The following POT1 variants were observed in gnomAD, a reference collection of about 807,000 sequenced individuals.
POT1 encodes the protein protection of telomeres protein 1.
A neutral mutation model predicts 78.5 loss-of-function variants in POT1; 47 were observed. The ratio of observed to expected loss-of-function variants is 0.60; its 90% CI spans 0.47 to 0.76. The LOEUF (loss-of-function observed/expected upper bound fraction) is 0.76. Among genes scored for constraint, POT1 ranks in the 30% least tolerant of loss-of-function variants. The pLI, the probability that POT1 is intolerant of heterozygous loss-of-function variation, is 0.00. For synonymous variants in POT1, 259 were observed against 260.7 expected, an observed-to-expected ratio of 0.99 and a Z score of 0.06; for missense variants, 646 against 749.9, an observed-to-expected ratio of 0.86 and a Z score of 1.62.
chr7:124,846,869 AGCTG>A, intron 12 of POT1, 69 bp downstream of exon 12: 1 of 1,024,048 alleles, frequency 9.8e-7, no homozygotes, highest in Non-Finnish European at 1.5e-6. Context: ...GAAATGGATT[AGCTG>A]GTAAGTGTAG....
At chr7:124,904,564 C>T (rs1796711443) in intron 3 of POT1, among the ~76,000 whole-genome samples, 1 of 152,178 alleles carries the variant, frequency 6.6e-6, no homozygotes, top group Non-Finnish European at 1.5e-5. Context: ...AAACTGGAAG[C>T]ATTCCCTTTG....
chr7:124,885,666 TG>T (rs943593719), intron 6 of POT1, among the ~76,000 whole-genome samples: 5 of 152,156 alleles, frequency 3.3e-5, no homozygotes, highest in African/African-American at 1.2e-4. Context: ...CTCAGGAGGC[TG>T]AGGCAGGAGA....
chr7:124,870,726 C>T (rs1795847471), intron 7 of POT1, among the ~76,000 whole-genome samples, 185 bp downstream of exon 7: 1 of 151,998 alleles, frequency 6.6e-6, no homozygotes, highest in South Asian at 2.1e-4. Flanking sequence ...GTGGTTTGTT[C>T]AAATGAAGAT....
chr7:124,846,135 G>C (rs1156736370), intron 12 of POT1, among the ~76,000 whole-genome samples: 4 of 145,252 alleles, frequency 2.8e-5, no homozygotes. Flanking sequence ...GAGAGAGATA[G>C]GGTACATATG....
At chr7:124,890,508 T>C (rs1357291325) in intron 6 of POT1, among the ~76,000 whole-genome samples, 1 of 151,892 alleles carries the variant, frequency 6.6e-6, no homozygotes, top group Non-Finnish European at 1.5e-5. Context: ...AAACAGCATC[T>C]CATGTTACAA....
chr7:124,842,758 T>C, intron 13 of POT1, 49 bp downstream of exon 13: 2 of 1,492,080 alleles, frequency 1.3e-6, no homozygotes, highest in South Asian at 1.2e-5. Flanking sequence ...TGTGTACATA[T>C]ACACACAAAT....
At chr7:124,903,060 C>T (rs2116660765) in intron 3 of POT1, among the ~76,000 whole-genome samples, 1 of 152,124 alleles carries the variant, frequency 6.6e-6, no homozygotes, top group Admixed American at 6.6e-5. Flanking sequence ...ACTTAGACTC[C>T]CACACAATAA....
chr7:124,892,448 A>G, intron 5 of POT1, 68 bp from the exon 6 acceptor site: 2 of 780,312 alleles, frequency 2.6e-6, no homozygotes, highest in Middle Eastern at 5.7e-4. Context: ...TGTTATAATC[A>G]TATTAGCAGC....
intron 2 of POT1, 120 bp from the exon 3 acceptor site, chr7:124,915,766 C>T (rs1432711399): frequency 6.6e-6 from 1 of 152,054 alleles, no homozygotes; most frequent in Admixed American, 6.5e-5. Flanking sequence ...AGTCAGAGTA[C>T]TGTGTTCAAG....
chr7:124,919,213 C>G (rs890643695), intron 2 of POT1, among the ~76,000 whole-genome samples: 8 of 151,948 alleles, frequency 5.3e-5, no homozygotes, highest in Non-Finnish European at 1.2e-4. Flanking sequence ...CATATAAAAA[C>G]CTAGAAAAGG....
At position 124,823,909 on chromosome 7, in the gene POT1, A is replaced by AC; in HGVS notation, c.*52_*53insG. 1 of 1,185,960 alleles carries AC rather than the reference A, an allele frequency of 8.4e-7. No homozygotes were observed. The highest frequency in any genetic ancestry group is 1.2e-6 in the Non-Finnish European group (1 of 803,312). The allele number at this position is 1,185,960 out of a possible 1,614,324, so 73.5% of individuals were successfully genotyped here. A position where few individuals can be genotyped will look rare whatever the true frequency, so the allele number is the denominator to read the frequency against. ...AAACTCAGGTCAGGAAAAGAAGCTC[A>AC]AACAGGGAAGGTGAGTGGCAACATT... On this transcript the variant is annotated 3_prime_UTR_variant, in exon 19 of 19. Coordinates refer to ENST00000357628, the MANE Select transcript of POT1 (RefSeq NM_015450.3).
chr7:124,914,830 G>C (rs560653365), intron 3 of POT1, among the ~76,000 whole-genome samples: 1 of 152,018 alleles, frequency 6.6e-6, no homozygotes, highest in African/African-American at 2.4e-5. Context: ...TATCCATAGG[G>C]GGCTCCTGGA....
intron 15 of POT1, among the ~76,000 whole-genome samples, chr7:124,832,007 A>AAT (rs58300329): frequency 0.35 from 50,777 of 143,810 alleles, 9,267 homozygotes; most frequent in East Asian, 0.47. Context: ...AATAAAAAAA[A>AAT]AAAAAAAAAA....
chr7:124,924,259 A>G (rs1164222142), intron 2 of POT1, among the ~76,000 whole-genome samples: 1 of 151,778 alleles, frequency 6.6e-6, no homozygotes, highest in African/African-American at 2.4e-5. Context: ...AAAAGGAGAG[A>G]AAAGATCCAA....
intron 6 of POT1, among the ~76,000 whole-genome samples, chr7:124,881,662 T>C (rs767259890): frequency 6.6e-6 from 1 of 151,934 alleles, no homozygotes; most frequent in Admixed American, 6.6e-5. Flanking sequence ...TTTTACCAAA[T>C]ACACACGCAA....
chr7:124,841,152 A>C lies in POT1; in HGVS notation c.1190T>G (p.Leu397Trp). The C allele has an allele frequency of 6.2e-7, 1 of 1,612,444 alleles. No homozygotes were observed. ...TGCACCATCCTGAAAAATTATATCC[A>C]AATCGCCCTCATGTGGAACTTCTTG... ...LLQEVPHEGD[L>W]DIIFQDGATK... The change falls in exon 14 of 19, where the codon TTG becomes TGG. Residue 397 changes from leucine to tryptophan, a missense_variant. Leu to Trp is a moderately conservative substitution (Grantham distance 61, BLOSUM62 -2). Transcript: ENST00000357628.
At chr7:124,909,929 A>G (rs548628274) in intron 3 of POT1, among the ~76,000 whole-genome samples, 7 of 152,080 alleles carry the variant, frequency 4.6e-5, no homozygotes, top group Non-Finnish European at 5.9e-5. Flanking sequence ...ATTCGATAGC[A>G]TGTATTTATT....
At position 124,863,526 on chromosome 7, in the gene POT1, T is replaced by C. The variant is rs1795649636; in HGVS notation, c.370A>G (p.Asn124Asp). The change falls in exon 8 of 19, where the codon AAC becomes GAC. Residue 124 changes from asparagine (N) to aspartate (D), a missense_variant. Physicochemically the swap from Asn to Asp is conservative, Grantham distance 23. Coordinates refer to ENST00000357628, the MANE Select transcript of POT1 (RefSeq NM_015450.3). ...IIPRTSSKYF[N>D]FTTEDHKMVE... ...ATTTTGTGGTCCTCAGTAGTGAAGT[T>C]AAAATACTTGCTTGAAGTGCGAGGT... The C allele has an allele frequency of 6.2e-7, 1 of 1,613,814 alleles. No homozygotes were observed. Among genetic ancestry groups the C allele is most frequent in the Non-Finnish European group, 8.5e-7 (1 of 1,179,890 alleles).
At chr7:124,843,798 G>A (rs1795090288) in intron 12 of POT1, among the ~76,000 whole-genome samples, 1 of 152,152 alleles carries the variant, frequency 6.6e-6, no homozygotes. Context: ...AACCTCAATG[G>A]CGAAGACAAT....
Sources: allele counts gnomAD v4.1 joint callset (sites outside exome capture counted in the v4.1 genomes callset), GRCh38; gene constraint gnomAD v4.1.1; transcripts MANE v1.5; gene names NCBI Gene and HGNC (gene_info 2026-07-23, HGNC 2026-07-21).